Variants in E2F3 observed in about 807,000 individuals in gnomAD.
E2F3 encodes E2F transcription factor 3, also known as transcription factor E2F3.
A neutral mutation model predicts 44.4 loss-of-function variants in E2F3; 11 were observed. That is an observed-to-expected ratio of 0.25 (90% CI 0.16 to 0.41). The LOEUF is 0.41. E2F3 is among the 10% of genes least tolerant of loss of function. The pLI, the probability that E2F3 is intolerant of heterozygous loss-of-function variation, is 1.00. For missense variants in E2F3, 487 were observed against 583.6 expected (o/e 0.83, Z 1.70); for synonymous variants, 249 against 253.0 (o/e 0.98, Z 0.15).
At chr6:20,405,270 A>G (rs1407236223) in intron 1 of E2F3, among the ~76,000 whole-genome samples, 1 of 152,176 alleles carries the variant, frequency 6.6e-6, no homozygotes, top group African/African-American at 2.4e-5. Flanking sequence ...ACAGGAATAT[A>G]AATGTTACTC....
chr6:20,448,190 G>T (rs545966247), intron 1 of E2F3, among the ~76,000 whole-genome samples: 47 of 152,260 alleles, frequency 3.1e-4, no homozygotes, highest in African/African-American at 1.0e-3. Context: ...GGCTCTTTTT[G>T]GTTTGGTTGT....
intron 1 of E2F3, among the ~76,000 whole-genome samples, chr6:20,439,330 G>A (rs2127595940): frequency 6.6e-6 from 1 of 152,342 alleles, no homozygotes; most frequent in African/African-American, 2.4e-5. Flanking sequence ...AGAATGTAAA[G>A]CAACGCTTTA....
chr6:20,414,157 A>G (rs919538270), intron 1 of E2F3, among the ~76,000 whole-genome samples: 5 of 152,210 alleles, frequency 3.3e-5, no homozygotes, highest in Admixed American at 6.5e-5. Context: ...CTTACAAATA[A>G]AAGAAATTTA....
intron 1 of E2F3, among the ~76,000 whole-genome samples, chr6:20,473,079 T>C (rs972941311): frequency 3.3e-5 from 5 of 152,238 alleles, no homozygotes; most frequent in Non-Finnish European, 7.3e-5. Flanking sequence ...AGTAACTTCA[T>C]AGTGCTTGCC....
chr6:20,463,776 A>T, intron 1 of E2F3, among the ~76,000 whole-genome samples: 1 of 152,144 alleles, frequency 6.6e-6, no homozygotes. Flanking sequence ...CCCCAGTTCA[A>T]TTCTACTTCA....
intron 1 of E2F3, among the ~76,000 whole-genome samples, chr6:20,411,601 G>A (rs943999184): frequency 2.0e-5 from 3 of 152,136 alleles, no homozygotes; most frequent in African/African-American, 4.8e-5. Context: ...CCATTCCTCT[G>A]CACTCGGCTG....
At chr6:20,416,813 A>G (rs1033242473) in intron 1 of E2F3, among the ~76,000 whole-genome samples, 1 of 152,180 alleles carries the variant, frequency 6.6e-6, no homozygotes, top group Non-Finnish European at 1.5e-5. Context: ...TTCTAGTAAC[A>G]TCAGAGTTTA....
chr6:20,410,822 A>G (rs1414727725), intron 1 of E2F3, among the ~76,000 whole-genome samples: 4 of 152,106 alleles, frequency 2.6e-5, no homozygotes, highest in Non-Finnish European at 5.9e-5. Context: ...GGGTTTCACC[A>G]TGTTGGTCAG....
At chr6:20,424,211 G>GTA (rs1554135915) in intron 1 of E2F3, among the ~76,000 whole-genome samples, 896 of 4,008 alleles carry the variant, frequency 0.22, 13 homozygotes, top group African/African-American at 0.34. Context: ...CAGTGGAAGG[G>GTA]TGTGTGTGTG....
chr6:20,445,475 T>C (rs1760912848), intron 1 of E2F3, among the ~76,000 whole-genome samples: 1 of 152,154 alleles, frequency 6.6e-6, no homozygotes, highest in Non-Finnish European at 1.5e-5. Flanking sequence ...CCTGACCTCG[T>C]GAGCCACCGT....
intron 1 of E2F3, among the ~76,000 whole-genome samples, chr6:20,451,820 T>C (rs1386372321): frequency 6.6e-6 from 1 of 152,218 alleles, no homozygotes; most frequent in Non-Finnish European, 1.5e-5. Flanking sequence ...GAGATAATCA[T>C]GTGTTTTTTG....
intron 1 of E2F3, among the ~76,000 whole-genome samples, chr6:20,403,135 G>T (rs1001731208): frequency 6.6e-6 from 1 of 151,810 alleles, no homozygotes; most frequent in African/African-American, 2.4e-5. Flanking sequence ...TGCTCGGAGC[G>T]CAGGGGATCG....
chr6:20,464,022 G>A (rs756313469), intron 1 of E2F3, among the ~76,000 whole-genome samples: 4 of 152,188 alleles, frequency 2.6e-5, no homozygotes, highest in Non-Finnish European at 5.9e-5. Flanking sequence ...ATTACAAAGG[G>A]TACAGATAAA....
chr6:20,442,735 G>A (rs902715301), intron 1 of E2F3, among the ~76,000 whole-genome samples: 4 of 152,126 alleles, frequency 2.6e-5, no homozygotes, highest in Non-Finnish European at 4.4e-5. Flanking sequence ...TTGGGAGGCC[G>A]AGGCAGATTG....
At chr6:20,461,996 C>A (rs1761525062) in intron 1 of E2F3, among the ~76,000 whole-genome samples, 1 of 152,182 alleles carries the variant, frequency 6.6e-6, no homozygotes, top group African/African-American at 2.4e-5. Context: ...TTATATTTCT[C>A]TGACTTCGTA....
intron 1 of E2F3, among the ~76,000 whole-genome samples, chr6:20,424,516 C>CA (rs2127591128): frequency 1.3e-5 from 2 of 152,198 alleles, no homozygotes; most frequent in African/African-American, 4.8e-5. Flanking sequence ...TGTAAAGAAG[C>CA]AGCACACTGT....
chr6:20,432,288 G>T (rs1005162841), intron 1 of E2F3, among the ~76,000 whole-genome samples: 1 of 152,148 alleles, frequency 6.6e-6, no homozygotes, highest in African/African-American at 2.4e-5. Flanking sequence ...TGGGGAGGGG[G>T]GTCTGTGAAC....
chr6:20,424,210 G>GGTATGTGTGTGT (rs58738322), intron 1 of E2F3, among the ~76,000 whole-genome samples: 8,657 of 136,906 alleles, frequency 0.063, 387 homozygotes, highest in East Asian at 0.12. Context: ...TCAGTGGAAG[G>GGTATGTGTGTGT]GTGTGTGTGT....
Position 20,443,403 on chromosome 6 carries a change from G to A in E2F3, c.394-36443G>A, listed in dbSNP as rs543756535. On this transcript the variant is annotated intron_variant, in intron 1 of 6. Transcript: ENST00000346618. ...TGTAACCTGTAGTGCTTCAGATACT[G>A]TCTCAGCCTATGTGAATTCTGGTAG... Among the ~76,000 whole-genome samples, 12 of 152,296 alleles carry A rather than the reference G, an allele frequency of 7.9e-5. No individual in the cohort carries two copies. In the South Asian group the frequency reaches 2.3e-3, roughly 29 times the overall value.
Sources: gnomAD v4.1 joint callset for allele counts (sites outside exome capture counted in the v4.1 genomes callset) on GRCh38, gnomAD v4.1.1 for gene constraint, MANE v1.5 for transcripts, NCBI Gene and HGNC (gene_info 2026-07-23, HGNC 2026-07-21) for gene names.